The following RBPJ variants were observed in gnomAD, a reference collection of about 807,000 sequenced individuals.
RBPJ encodes recombining binding protein suppressor of hairless.
Under a neutral mutation model 67.8 loss-of-function variants are expected in RBPJ, and 9 were observed. The ratio of observed to expected loss-of-function variants is 0.13; its 90% CI spans 0.08 to 0.23. The LOEUF is 0.23. RBPJ is among the 10% of genes least tolerant of loss of function. The probability of loss-of-function intolerance (pLI) is 1.00; values close to 1 mark genes in which losing one functional copy is unlikely to be tolerated. For synonymous variants in RBPJ, 198 were observed against 203.3 expected (o/e 0.97, Z 0.22); for missense variants, 305 against 595.6 (o/e 0.51, Z 5.08).
At chr4:26,349,446 C>T (rs1040019866) in intron 1 of RBPJ, among the ~76,000 whole-genome samples, 3 of 152,090 alleles carry the variant, frequency 2.0e-5, no homozygotes, top group African/African-American at 7.2e-5. Flanking sequence ...ATTTGAATAT[C>T]ACTTCTTTAA....
intron 1 of RBPJ, among the ~76,000 whole-genome samples, chr4:26,297,328 A>G (rs1302471373): frequency 1.4e-5 from 2 of 145,940 alleles, no homozygotes; most frequent in East Asian, 3.9e-4. Context: ...AATTTAAAAA[A>G]TCACTTTGTG....
intron 1 of RBPJ, among the ~76,000 whole-genome samples, chr4:26,337,588 A>G (rs1185541898): frequency 2.0e-5 from 3 of 149,326 alleles, no homozygotes; most frequent in African/African-American, 7.4e-5. Flanking sequence ...GGTAACCAAT[A>G]TCTTGATACC....
At position 26,392,023 on chromosome 4, in the gene RBPJ, A is replaced by G. The variant is rs538348913; in HGVS notation, c.59+5632A>G. Among the ~76,000 whole-genome samples, 7 of 152,326 alleles carry G rather than the reference A, an allele frequency of 4.6e-5. No homozygotes were observed. The East Asian group carries it at 1.2e-3, about 25-fold the overall frequency. ...CAGGAGGGACAAGGGCACTGATCCT[A>G]TTCTTGAAGGCTCCATCCTCATGAC... On this transcript the variant is annotated intron_variant, in intron 2 of 10. Coordinates refer to ENST00000355476, the MANE Select transcript of RBPJ (RefSeq NM_015874.6).
intron 1 of RBPJ, among the ~76,000 whole-genome samples, chr4:26,209,346 G>A (rs868757990): frequency 6.6e-6 from 1 of 152,052 alleles, no homozygotes. Flanking sequence ...ACCCAGGTTT[G>A]CCTAAAATAC....
At chr4:26,301,853 C>T (rs1173203936) in intron 1 of RBPJ, among the ~76,000 whole-genome samples, 6 of 151,794 alleles carry the variant, frequency 4.0e-5, no homozygotes, top group African/African-American at 7.3e-5. Context: ...AGTGCAGTGG[C>T]GCAACCTTGG....
chr4:26,415,515 G>A lies in RBPJ; in HGVS notation c.196G>A (p.Gly66Arg). 1 of 1,611,640 alleles carries A rather than the reference G, an allele frequency of 6.2e-7. No individual in the cohort carries two copies. Among genetic ancestry groups the A allele is most frequent in the Non-Finnish European group, 8.5e-7 (1 of 1,179,168 alleles). The change falls in exon 4 of 11, where the codon GGA becomes AGA. Residue 66 changes from glycine (G) to arginine (R), a missense_variant. Gly to Arg is a moderately radical substitution (Grantham distance 125). Coordinates refer to ENST00000355476, the MANE Select transcript of RBPJ (RefSeq NM_015874.6). ...TCCTTGTGTATATCTTATGGGCAGT[G>A]GATGGAAGAAAAAAAAAGAACAAAT... ...PPPCVYLMGS[G>R]WKKKKEQMER...
At chr4:26,224,588 C>G (rs1032548845) in intron 1 of RBPJ, among the ~76,000 whole-genome samples, 1 of 152,084 alleles carries the variant, frequency 6.6e-6, no homozygotes, top group Non-Finnish European at 1.5e-5. Flanking sequence ...GAACTCCTGA[C>G]CTCAAGAGAT....
chr4:26,239,592 A>T (rs1359712218), intron 1 of RBPJ, among the ~76,000 whole-genome samples: 4 of 152,210 alleles, frequency 2.6e-5, no homozygotes, highest in Admixed American at 2.6e-4. Flanking sequence ...TGCCTGTACT[A>T]AAAGCAAATG....
chr4:26,163,645 T>A (rs148043125), intron 1 of RBPJ: 38 of 152,360 alleles, frequency 2.5e-4, no homozygotes, highest in Non-Finnish European at 4.3e-4. Context: ...GTTATTTATG[T>A]TATGTTGCCC....
intron 1 of RBPJ, among the ~76,000 whole-genome samples, chr4:26,290,916 G>T (rs892273773): frequency 1.3e-5 from 2 of 150,780 alleles, no homozygotes; most frequent in Non-Finnish European, 3.0e-5. Context: ...AAACCAGCTG[G>T]TCTTCCTCTA....
Position 26,415,552 on chromosome 4 carries a change from G to C in RBPJ, c.233G>C (p.Gly78Ala). The change falls in exon 4 of 11, where the codon GGT (glycine) becomes GCT (alanine). Residue 78 changes from glycine to alanine, a missense_variant. Gly to Ala is a moderately conservative substitution (Grantham distance 60, BLOSUM62 0). Coordinates refer to ENST00000355476, the MANE Select transcript of RBPJ (RefSeq NM_015874.6). ...KKKKEQMERD[G>A]CSEQESQPCA... ...AAAAAAGAACAAATGGAACGCGATG[G>C]TTGTTCTGAACAAGAGTCTCAACCG... 6.2e-7 allele frequency: 1 copy of C among 1,613,334 alleles called. No individual in the cohort carries two copies. Among genetic ancestry groups the C allele is most frequent in the Non-Finnish European group, 8.5e-7 (1 of 1,179,550 alleles).
chr4:26,341,179 T>C (rs1577475156), intron 1 of RBPJ, among the ~76,000 whole-genome samples: 1 of 151,926 alleles, frequency 6.6e-6, no homozygotes, highest in East Asian at 1.9e-4. Context: ...TGTGGTGAAA[T>C]GAGAAAACAC....
intron 2 of RBPJ, among the ~76,000 whole-genome samples, chr4:26,401,887 CTTTT>C (rs58935903): frequency 3.1e-5 from 4 of 129,722 alleles, no homozygotes; most frequent in Admixed American, 7.7e-5. Context: ...TTCTTTCTTT[CTTTT>C]TTTTTTTTTT....
chr4:26,311,744 A>G (rs1722435175), intron 1 of RBPJ, among the ~76,000 whole-genome samples: 2 of 152,186 alleles, frequency 1.3e-5, no homozygotes, highest in South Asian at 4.1e-4. Context: ...AAAGTCCCAG[A>G]GAAAGGTTAT....
At chr4:26,244,191 A>G (rs1421484617) in intron 1 of RBPJ, among the ~76,000 whole-genome samples, 2 of 144,448 alleles carry the variant, frequency 1.4e-5, no homozygotes, top group Non-Finnish European at 3.1e-5. Context: ...ATGTATACAT[A>G]TATGTGTCTA....
At chr4:26,408,677 T>A (rs556792335) in intron 3 of RBPJ, among the ~76,000 whole-genome samples, 2 of 152,314 alleles carry the variant, frequency 1.3e-5, no homozygotes, top group South Asian at 4.1e-4. Context: ...TGTAAAGTAG[T>A]CATGTTATGA....
intron 1 of RBPJ, among the ~76,000 whole-genome samples, chr4:26,332,149 A>G (rs1724330093): frequency 6.6e-6 from 1 of 152,244 alleles, no homozygotes; most frequent in African/African-American, 2.4e-5. Context: ...ACAGCTTATA[A>G]TAATGAGTGT....
intron 1 of RBPJ, among the ~76,000 whole-genome samples, chr4:26,201,761 C>T (rs552714604): frequency 6.6e-6 from 1 of 152,280 alleles, no homozygotes; most frequent in South Asian, 2.1e-4. Context: ...TACTTCATGC[C>T]CTCCACTCAA....
intron 1 of RBPJ, among the ~76,000 whole-genome samples, chr4:26,355,747 C>T (rs982320617): frequency 1.3e-5 from 2 of 152,126 alleles, no homozygotes; most frequent in African/African-American, 4.8e-5. Context: ...ACAGTCTGGC[C>T]CTTGATAGTT....
Sources: allele counts gnomAD v4.1 joint callset (sites outside exome capture counted in the v4.1 genomes callset), GRCh38; gene constraint gnomAD v4.1.1; transcripts MANE v1.5; gene names NCBI Gene and HGNC (gene_info 2026-07-23, HGNC 2026-07-21).